LIPA: variants seen among roughly 807,000 people sequenced by gnomAD.
LIPA encodes the protein lipase A, lysosomal acid type.
Under a neutral mutation model 40.6 loss-of-function variants are expected in LIPA, and 26 were observed. That is an observed-to-expected ratio of 0.64 (90% CI 0.47 to 0.89). The LOEUF (loss-of-function observed/expected upper bound fraction) is 0.89, where lower values mean the gene tolerates loss of function less well. Ranked by LOEUF, LIPA falls within the 40% of genes least tolerant of loss-of-function variation. LIPA has a pLI of 0.00. For synonymous variants in LIPA, 188 were observed against 168.4 expected (o/e 1.12, Z -0.90); for missense variants, 455 against 479.6 (o/e 0.95, Z 0.48).
intron 2 of LIPA, among the ~76,000 whole-genome samples, chr10:89,365,337 G>A (rs967855056): frequency 4.6e-5 from 7 of 152,220 alleles, no homozygotes; most frequent in African/African-American, 1.7e-4. Flanking sequence ...GTTCTTTGTA[G>A]ATTCTGGGTA....
chr10:89,346,397 A>T (rs1332337), upstream of LIPA, among the ~76,000 whole-genome samples: 10,535 of 152,258 alleles, frequency 0.069, 916 homozygotes, highest in African/African-American at 0.2. Context: ...TTCAACATCC[A>T]ACCTGGGATC....
intron 1 of LIPA, among the ~76,000 whole-genome samples, chr10:89,323,240 T>C (rs1357884266): frequency 6.6e-6 from 1 of 152,068 alleles, no homozygotes. Flanking sequence ...AAATTCAACA[T>C]CCATTAATGT....
chr10:89,408,818 T>C (rs1841446024), intron 2 of LIPA, among the ~76,000 whole-genome samples: 1 of 152,188 alleles, frequency 6.6e-6, no homozygotes, highest in Non-Finnish European at 1.5e-5. Context: ...AGATACCTGG[T>C]ATCTTAGTCA....
intron 2 of LIPA, among the ~76,000 whole-genome samples, chr10:89,379,667 TG>T (rs1844147549): frequency 6.6e-6 from 1 of 152,098 alleles, no homozygotes; most frequent in Non-Finnish European, 1.5e-5. Context: ...AAATTATAAA[TG>T]AAGGATTGCA....
chr10:89,378,223 A>T, intron 2 of LIPA: 1 of 1,410,646 alleles, frequency 7.1e-7, no homozygotes, highest in Non-Finnish European at 1.0e-6. Flanking sequence ...ATTTTTTGAC[A>T]GGCCTTCTCC....
chr10:89,375,154 A>C (rs533888631), intron 2 of LIPA, among the ~76,000 whole-genome samples: 2 of 152,330 alleles, frequency 1.3e-5, no homozygotes, highest in East Asian at 3.9e-4. Context: ...GCAATATCCC[A>C]CTTCATCTCA....
chr10:89,235,280 G>A (rs1336112864), intron 3 of LIPA, among the ~76,000 whole-genome samples: 1 of 152,234 alleles, frequency 6.6e-6, no homozygotes, highest in East Asian at 1.9e-4. Context: ...AGCATGACAG[G>A]TCAAGGGCTG....
chr10:89,352,017 C>T (rs145986066), intron 2 of LIPA, among the ~76,000 whole-genome samples: 73 of 152,276 alleles, frequency 4.8e-4, no homozygotes, highest in Middle Eastern at 3.4e-3. Flanking sequence ...ACTGAGTGCC[C>T]GGCCACGATG....
chr10:89,364,754 T>A (rs1275613491), intron 2 of LIPA, among the ~76,000 whole-genome samples: 2 of 151,814 alleles, frequency 1.3e-5, no homozygotes, highest in East Asian at 3.9e-4. Flanking sequence ...AAAGTCCCCC[T>A]ATTTGAGATG....
intron 4 of LIPA, among the ~76,000 whole-genome samples, chr10:89,227,966 A>C (rs1302785189): frequency 1.3e-5 from 2 of 152,240 alleles, no homozygotes; most frequent in African/African-American, 4.8e-5. Flanking sequence ...GAAATGCCGA[A>C]GTAACTTAAG....
chr10:89,291,797 C>T (rs1843376588), intron 1 of LIPA, among the ~76,000 whole-genome samples: 1 of 152,182 alleles, frequency 6.6e-6, no homozygotes. Flanking sequence ...TAGTGTTTCC[C>T]CTTCATAATA....
chr10:89,403,761 ATTTACTAATCATC>A (rs758894171), intron 2 of LIPA: 5 of 985,654 alleles, frequency 5.1e-6, no homozygotes, highest in Non-Finnish European at 7.6e-6. Context: ...TTATGCTAAC[ATTTACTAATCATC>A]TTTTCTGCTT....
intron 1 of LIPA, among the ~76,000 whole-genome samples, chr10:89,273,468 G>A (rs1388369913): frequency 1.3e-5 from 2 of 152,162 alleles, no homozygotes; most frequent in African/African-American, 2.4e-5. Flanking sequence ...GAGACCAGGA[G>A]CACTGGAACC....
At chr10:89,243,761 A>G (rs1204707097) in intron 3 of LIPA, among the ~76,000 whole-genome samples, 2 of 152,144 alleles carry the variant, frequency 1.3e-5, no homozygotes, top group African/African-American at 4.8e-5. Flanking sequence ...TGTGATACAC[A>G]CAGGTAGGGC....
chr10:89,334,546 A>AGT (rs71022561), intron 1 of LIPA, among the ~76,000 whole-genome samples: 30,887 of 117,070 alleles, frequency 0.26, 3,890 homozygotes, highest in Middle Eastern at 0.4. Flanking sequence ...CCCAGGCTGG[A>AGT]GTGTAGTGGC....
At chr10:89,281,568 G>C (rs1324517588) in intron 1 of LIPA, among the ~76,000 whole-genome samples, 3 of 152,172 alleles carry the variant, frequency 2.0e-5, no homozygotes, top group Admixed American at 6.5e-5. Flanking sequence ...GGAAACTAAG[G>C]CTCCAATAGA....
At chr10:89,250,993 G>T (rs1417011206) in intron 1 of LIPA, among the ~76,000 whole-genome samples, 1 of 152,188 alleles carries the variant, frequency 6.6e-6, no homozygotes, top group Non-Finnish European at 1.5e-5. Flanking sequence ...GTATATATTA[G>T]ATGCATAGTA....
intron 1 of LIPA, among the ~76,000 whole-genome samples, chr10:89,341,331 C>T (rs1163974615): frequency 6.6e-6 from 1 of 152,230 alleles, no homozygotes; most frequent in Non-Finnish European, 1.5e-5. Flanking sequence ...TCCAGGTCTA[C>T]AGCAGTCCCT....
chr10:89,302,010 C>T (rs1843447926), intron 1 of LIPA: 2 of 1,095,468 alleles, frequency 1.8e-6, no homozygotes, highest in Non-Finnish European at 2.6e-6. Flanking sequence ...AACCAGAGGC[C>T]ACTTGTATAT....
Sources: allele counts gnomAD v4.1 joint callset (sites outside exome capture counted in the v4.1 genomes callset), GRCh38; gene constraint gnomAD v4.1.1; transcripts MANE v1.5; gene names NCBI Gene and HGNC (gene_info 2026-07-23, HGNC 2026-07-21).